The following CHRM3 variants were observed in gnomAD, a reference collection of about 807,000 sequenced individuals.
CHRM3 encodes the protein cholinergic receptor muscarinic 3, also known as muscarinic acetylcholine receptor M3.
Under a neutral mutation model 41.8 loss-of-function variants are expected in CHRM3, and 11 were observed. The observed-to-expected ratio is 0.26, with a 90% CI of 0.17 to 0.44. The LOEUF is 0.44. Ranked by LOEUF, CHRM3 falls within the 20% of genes least tolerant of loss-of-function variation. The pLI is 1.00. For missense variants in CHRM3, 571 were observed against 745.4 expected (o/e 0.77, Z 2.72); for synonymous variants, 297 against 301.4 (o/e 0.99, Z 0.15).
intron 1 of CHRM3, among the ~76,000 whole-genome samples, chr1:239,470,870 C>A (rs1666069191): frequency 6.6e-6 from 1 of 151,972 alleles, no homozygotes; most frequent in Non-Finnish European, 1.5e-5. Flanking sequence ...TTTTTAAATC[C>A]TTGCTTCAGG....
At chr1:239,675,680 C>T (rs1316263986) in intron 4 of CHRM3, among the ~76,000 whole-genome samples, 1 of 152,150 alleles carries the variant, frequency 6.6e-6, no homozygotes, top group African/African-American at 2.4e-5. Flanking sequence ...AAGCCTGTAA[C>T]AAGCATACAG....
At position 239,564,528 on chromosome 1, in the gene CHRM3, A is replaced by G. The variant is rs117897804; in HGVS notation, c.-313+18779A>G. Among the ~76,000 whole-genome samples, 471 of 152,238 alleles carry G rather than the reference A, an allele frequency of 3.1e-3. 3 individuals are homozygous for G. Among genetic ancestry groups the G allele is most frequent in the African/African-American group, 0.011 (449 of 41,548 alleles). On this transcript the variant is annotated intron_variant, in intron 3 of 6. Coordinates refer to ENST00000676153, the MANE Select transcript of CHRM3 (RefSeq NM_001375978.1). ...AAGTATCACAAAGAAAAACATTTCT[A>G]TTTTTCTGGGTACAGAGAAACTAAT...
At position 239,907,481 on chromosome 1, in the gene CHRM3, G is replaced by A. The variant is rs1355967136; in HGVS notation, c.30G>A (p.Ser10=). The change falls in exon 7 of 7, where the codon TCG becomes TCA. Residue 10 remains serine, a synonymous_variant. Coordinates refer to ENST00000676153, the MANE Select transcript of CHRM3 (RefSeq NM_001375978.1). The surrounding 1 kb of genome is among the most constrained non-coding windows in gnomAD (Gnocchi z 5.4). MTLHNNSTT[S]PLFPNISSSW... ...CCTTGCACAATAACAGTACAACCTCGCCTTTGTTTCCAAACATCAGCTCCT... is the reference window on the plus strand; with the variant it reads ...CCTTGCACAATAACAGTACAACCTCACCTTTGTTTCCAAACATCAGCTCCT... 12 of 1,613,872 alleles carry A rather than the reference G, an allele frequency of 7.4e-6. No individual in the cohort carries two copies. The highest frequency in any genetic ancestry group is 4.0e-5 in the African/African-American group (3 of 74,874).
intron 2 of CHRM3, among the ~76,000 whole-genome samples, chr1:239,519,099 A>G (rs757789575): frequency 6.6e-6 from 1 of 152,204 alleles, no homozygotes; most frequent in Non-Finnish European, 1.5e-5. Context: ...CTAATAATTT[A>G]TAGTAAAATT....
At chr1:239,411,499 G>C (rs949922522) in intron 1 of CHRM3, among the ~76,000 whole-genome samples, 1 of 151,902 alleles carries the variant, frequency 6.6e-6, no homozygotes, top group Non-Finnish European at 1.5e-5. Flanking sequence ...GGCCGAGGTG[G>C]GTGGATCATG....
intron 1 of CHRM3, among the ~76,000 whole-genome samples, chr1:239,401,425 T>C (rs543811783): frequency 6.6e-6 from 1 of 152,300 alleles, no homozygotes; most frequent in Admixed American, 6.5e-5. Flanking sequence ...TTTCTTACCC[T>C]TGCAACTTTT....
intron 3 of CHRM3, among the ~76,000 whole-genome samples, chr1:239,575,655 G>A (rs997733832): frequency 2.6e-5 from 4 of 151,974 alleles, no homozygotes; most frequent in Non-Finnish European, 5.9e-5. Context: ...AAGGTGTCCA[G>A]GGCAGCACAG....
chr1:239,483,448 A>G (rs1666991683), intron 1 of CHRM3, among the ~76,000 whole-genome samples: 1 of 152,190 alleles, frequency 6.6e-6, no homozygotes, highest in African/African-American at 2.4e-5. Context: ...CTTCCCTATA[A>G]GGTTGAGCTC....
intron 2 of CHRM3, among the ~76,000 whole-genome samples, chr1:239,511,750 A>G (rs538926280): frequency 7.9e-5 from 12 of 152,336 alleles, no homozygotes; most frequent in African/African-American, 2.6e-4. Flanking sequence ...TTTCAGATTT[A>G]CTTCTTGATA....
intron 6 of CHRM3, among the ~76,000 whole-genome samples, chr1:239,851,879 A>C (rs2790326): frequency 0.87 from 132,619 of 152,090 alleles, 60,518 homozygotes; most frequent in East Asian, 1. Flanking sequence ...ATCTCGTAGA[A>C]CTGGGCTTCT....
intron 3 of CHRM3, among the ~76,000 whole-genome samples, chr1:239,583,421 G>A (rs1157463092): frequency 6.6e-6 from 1 of 152,000 alleles, no homozygotes; most frequent in Admixed American, 6.6e-5. Flanking sequence ...GCTATGCCTG[G>A]CAATGTGCTA....
At chr1:239,433,219 G>T (rs539019104) in intron 1 of CHRM3, among the ~76,000 whole-genome samples, 2 of 152,018 alleles carry the variant, frequency 1.3e-5, no homozygotes, top group East Asian at 3.9e-4. Context: ...TTAGATACTA[G>T]ATTTTTATAC....
intron 3 of CHRM3, among the ~76,000 whole-genome samples, chr1:239,619,121 G>C (rs1356539288): frequency 6.6e-6 from 1 of 151,714 alleles, no homozygotes; most frequent in Non-Finnish European, 1.5e-5. Context: ...TGCCATGTTG[G>C]CCACACTGGT....
chr1:239,764,310 T>C (rs543307), intron 5 of CHRM3, among the ~76,000 whole-genome samples: 107,065 of 151,990 alleles, frequency 0.7, 38,099 homozygotes, highest in Non-Finnish European at 0.75. Context: ...AAGGGGAATA[T>C]TGACACTAGT....
At chr1:239,741,476 G>A (rs1294560830) in intron 5 of CHRM3, among the ~76,000 whole-genome samples, 1 of 152,084 alleles carries the variant, frequency 6.6e-6, no homozygotes, top group Non-Finnish European at 1.5e-5. Flanking sequence ...CCTGCTTCAG[G>A]GGAACAGGGC....
intron 5 of CHRM3, among the ~76,000 whole-genome samples, chr1:239,698,498 G>GT (rs1660394708): frequency 6.6e-6 from 1 of 152,120 alleles, no homozygotes; most frequent in South Asian, 2.1e-4. Context: ...TCTACAAAGA[G>GT]TGAAAGTGAA....
At chr1:239,727,108 C>A (rs541007744) in intron 5 of CHRM3, among the ~76,000 whole-genome samples, 4 of 151,372 alleles carry the variant, frequency 2.6e-5, no homozygotes, top group African/African-American at 7.3e-5. Flanking sequence ...TTGTGAAGAT[C>A]AAAAAAAATC....
chr1:239,580,139 A>T (rs1558336497), intron 3 of CHRM3, among the ~76,000 whole-genome samples: 1 of 151,934 alleles, frequency 6.6e-6, no homozygotes, highest in African/African-American at 2.4e-5. Flanking sequence ...TTACTTACCT[A>T]CCCTTCTTCT....
rs1661137860 is a variant in CHRM3 at position 239,706,126 on chromosome 1, A to T, written c.-147+27838A>T. 3.3e-5 allele frequency among the ~76,000 whole-genome samples: 5 copies of T among 149,334 alleles called. No homozygotes were observed. In the South Asian group the frequency reaches 1.0e-3, roughly 31 times the overall value. ...ATATGTGAATTATAAATAATTCATG[A>T]TATACAACTAAATTATAATAAATAC... is the stretch of plus-strand genomic sequence containing the variant. On this transcript the variant is annotated intron_variant, in intron 5 of 6. Coordinates refer to ENST00000676153, the MANE Select transcript of CHRM3 (RefSeq NM_001375978.1).
Sources: allele counts gnomAD v4.1 joint callset (sites outside exome capture counted in the v4.1 genomes callset), GRCh38; gene constraint gnomAD v4.1.1; non-coding constraint Gnocchi (gnomAD v3.1); transcripts MANE v1.5; gene names NCBI Gene and HGNC (gene_info 2026-07-23, HGNC 2026-07-21).